Variants in PDCD11 observed in about 807,000 individuals in gnomAD.
PDCD11 encodes protein RRP5 homolog.
Under a neutral mutation model 198.9 loss-of-function variants are expected in PDCD11, and 97 were observed. That is an observed-to-expected ratio of 0.49 (90% CI 0.41 to 0.58). PDCD11 has a LOEUF of 0.58. Ranked by LOEUF, PDCD11 falls within the 20% of genes least tolerant of loss-of-function variation. The probability of loss-of-function intolerance (pLI) is 0.00; values close to 1 mark genes in which losing one functional copy is unlikely to be tolerated. For missense variants in PDCD11, 2,102 were observed against 2,312.7 expected, an observed-to-expected ratio of 0.91 and a Z score of 1.87; for synonymous variants, 893 against 918.0, an observed-to-expected ratio of 0.97 and a Z score of 0.49.
At chr10:103,435,297 T>G (rs190135504) in intron 25 of PDCD11, among the ~76,000 whole-genome samples, 1 of 152,348 alleles carries the variant, frequency 6.6e-6, no homozygotes, top group African/African-American at 2.4e-5. Flanking sequence ...TTTGTCCTTT[T>G]ACCTTATTTT....
chr10:103,443,239 T>C lies in PDCD11; in HGVS notation c.5030T>C (p.Leu1677Pro), dbSNP rs1395197226. The C allele has an allele frequency of 6.2e-7, 1 of 1,612,760 alleles. No individual in the cohort carries two copies. The highest frequency in any genetic ancestry group is 8.5e-7 in the Non-Finnish European group (1 of 1,178,976). The change falls in exon 33 of 36, where the codon CTG (leucine) becomes CCG (proline). Residue 1677 changes from leucine to proline, a missense_variant. By Grantham distance (98) the Leu-to-Pro change is moderately conservative. Coordinates refer to ENST00000369797, the MANE Select transcript of PDCD11 (RefSeq NM_014976.2). ...AACATGTACGGCTCTCAGGAGTCCCTGACCAAGGTCTTTGAGCGAGCCGTG... is the reference window on the plus strand; with the variant it reads ...AACATGTACGGCTCTCAGGAGTCCCCGACCAAGGTCTTTGAGCGAGCCGTG... ...LENMYGSQES[L>P]TKVFERAVQY...
At chr10:103,413,065 G>A in intron 8 of PDCD11, 51 bp from the exon 9 acceptor site, 1 of 1,430,580 alleles carries the variant, frequency 7.0e-7, no homozygotes, top group Non-Finnish European at 9.9e-7. Context: ...GTCTGCTCTA[G>A]GGTGCTCCTG....
In PDCD11 at chr10:103,398,784, C is replaced by T. The variant is rs575930196; in HGVS notation, c.102+256C>T. Reference sequence around the variant, plus strand: ...CTGTAATCCCAGCAGTTTGGGAAGCCGAGGCAGGCGGATCACTTGAGGCTA... The same window carrying T: ...CTGTAATCCCAGCAGTTTGGGAAGCTGAGGCAGGCGGATCACTTGAGGCTA... On this transcript the variant is annotated intron_variant, in intron 2 of 35. Coordinates refer to ENST00000369797, the MANE Select transcript of PDCD11 (RefSeq NM_014976.2). 2.6e-5 allele frequency among the ~76,000 whole-genome samples: 4 copies of T among 152,202 alleles called. No homozygotes were observed. In the East Asian group the frequency reaches 5.8e-4, roughly 22 times the overall value.
rs1462869269 is a variant in PDCD11 at position 103,432,135 on chromosome 10, G to A, written c.3375G>A (p.Leu1125=). ...ATTTCCTTTCTGCAAACAGTGAGCT[G>A]GAGGATGGCCACACTGCTCTTAACA... ...IPELSVRPSE[L]EDGHTALNTH... Residue 1125 remains leucine, a synonymous_variant, in exon 22 of 36, where the codon CTG becomes CTA. Transcript: ENST00000369797. 3 of 1,611,966 alleles carry A rather than the reference G, an allele frequency of 1.9e-6. No individual in the cohort carries two copies. The highest frequency in any genetic ancestry group is 2.5e-6 in the Non-Finnish European group (3 of 1,178,044).
At chr10:103,430,669 C>T (rs1254822508) in intron 21 of PDCD11, among the ~76,000 whole-genome samples, 3 of 150,716 alleles carry the variant, frequency 2.0e-5, no homozygotes, top group African/African-American at 4.9e-5. Context: ...GCCATCCTGC[C>T]GGGGTAAGGT....
At position 103,442,882 on chromosome 10, in the gene PDCD11, C is replaced by T. The variant is rs990080042; in HGVS notation, c.4956-283C>T. Among the ~76,000 whole-genome samples the T allele has an allele frequency of 4.6e-5, 7 of 152,304 alleles. No individual in the cohort carries two copies. In the South Asian group the frequency reaches 1.0e-3, roughly 23 times the overall value. On this transcript the variant is annotated intron_variant, in intron 32 of 35. Coordinates refer to ENST00000369797, the MANE Select transcript of PDCD11 (RefSeq NM_014976.2). ...AGAGAGAATCAGACCCAGGACTCTG[C>T]GTCCAGCCCAAACCTCAGGCCCGTT...
intron 2 of PDCD11, among the ~76,000 whole-genome samples, 170 bp from the exon 3 acceptor site, chr10:103,400,226 CT>C (rs113535367): frequency 0.18 from 23,767 of 135,252 alleles, 2,121 homozygotes; most frequent in Middle Eastern, 0.24. Flanking sequence ...GGCCCCCCCC[CT>C]TTTTTTTTTT....
chr10:103,418,480 T>C lies in PDCD11; in HGVS notation c.1952T>C (p.Leu651Pro), dbSNP rs1316058566. 1 of 1,614,174 alleles carries C rather than the reference T, an allele frequency of 6.2e-7. No individual in the cohort carries two copies. Among genetic ancestry groups the C allele is most frequent in the Admixed American group, 1.7e-5 (1 of 60,028 alleles). ...VKVLEKTKDG[L>P]EVAVLPHNIR... ...GTTTTAGAGAAGACCAAAGATGGGCTGGAGGTGGCTGTCCTGCCCCACAAC... is the reference window on the plus strand; with the variant it reads ...GTTTTAGAGAAGACCAAAGATGGGCCGGAGGTGGCTGTCCTGCCCCACAAC... Residue 651 changes from leucine (L) to proline (P), a missense_variant, in exon 15 of 36, where the codon CTG becomes CCG. Transcript: ENST00000369797.
In PDCD11 at chr10:103,415,033, G is replaced by A; in HGVS notation, c.1400G>A (p.Gly467Glu). 7 of 1,614,146 alleles carry A rather than the reference G, an allele frequency of 4.3e-6. No individual in the cohort carries two copies. The highest frequency in any genetic ancestry group is 5.1e-6 in the Non-Finnish European group (6 of 1,180,026). Residue 467 changes from glycine to glutamate, a missense_variant, in exon 12 of 36, where the codon GGG (glycine) becomes GAG (glutamate). Coordinates refer to ENST00000369797, the MANE Select transcript of PDCD11 (RefSeq NM_014976.2). ...KGTVLTIKSY[G>E]MLVKVGEQMR... ...ACAGTGCTAACCATAAAGTCATATG[G>A]GATGCTGGTGAAGGTGGGCGAGCAG...
At position 103,425,034 on chromosome 10, in the gene PDCD11, C is replaced by T. The variant is rs775519395; in HGVS notation, c.2814C>T (p.Ser938=). ...CGATTGTGCAGCACTTGGAGAAGTC[C>T]TTTGCCATTGCCTCCTTGGTAGAGA... The part of the protein sequence containing the change: ...HQAIVQHLEK[S]FAIASLVETG... The change falls in exon 20 of 36, where the codon TCC becomes TCT. Residue 938 remains serine, a synonymous_variant. Transcript: ENST00000369797. The T allele has an allele frequency of 6.2e-7, 1 of 1,614,112 alleles. No homozygotes were observed. Among genetic ancestry groups the T allele is most frequent in the African/African-American group, 1.3e-5 (1 of 74,930 alleles).
At chr10:103,429,569 TC>T (rs1417725463) in intron 21 of PDCD11, among the ~76,000 whole-genome samples, 1 of 152,084 alleles carries the variant, frequency 6.6e-6, no homozygotes, top group East Asian at 1.9e-4. Context: ...CACATGGTCT[TC>T]CTTTTATGTG....
chr10:103,439,001 G>C (rs889773720), intron 27 of PDCD11, among the ~76,000 whole-genome samples, 193 bp downstream of exon 27: 1 of 152,182 alleles, frequency 6.6e-6, no homozygotes, highest in Non-Finnish European at 1.5e-5. Flanking sequence ...TTAGTTATTT[G>C]GTGTTTTGGA....
chr10:103,397,548 G>A (rs988759434), intron 1 of PDCD11, among the ~76,000 whole-genome samples: 5 of 152,186 alleles, frequency 3.3e-5, no homozygotes, highest in African/African-American at 1.2e-4. Flanking sequence ...CAATTCTCAC[G>A]CTTCAGCCTG....
chr10:103,409,177 A>T (rs1052883303), intron 7 of PDCD11, among the ~76,000 whole-genome samples: 3 of 152,186 alleles, frequency 2.0e-5, no homozygotes, highest in African/African-American at 7.2e-5. Context: ...GGAAGGTAAG[A>T]GAGAGGTCTT....
At chr10:103,420,815 T>TACTTGACTGGGTGCCC (rs2031377797) in intron 16 of PDCD11, among the ~76,000 whole-genome samples, 1 of 152,054 alleles carries the variant, frequency 6.6e-6, no homozygotes, top group Non-Finnish European at 1.5e-5. Context: ...TGAATGTGCC[T>TACTTGACTGGGTGCCC]TCTTGACTGG....
chr10:103,422,620 T>G (rs2031503527), intron 17 of PDCD11, among the ~76,000 whole-genome samples: 1 of 151,926 alleles, frequency 6.6e-6, no homozygotes. Flanking sequence ...TTGTGAGGGG[T>G]TATTATTCTG....
chr10:103,409,642 C>T (rs2030673550), intron 7 of PDCD11, 57 bp from the exon 8 acceptor site: 3 of 1,196,344 alleles, frequency 2.5e-6, no homozygotes, highest in Non-Finnish European at 3.7e-6. Flanking sequence ...AGCAATGTCT[C>T]ACATTCCTGG....
At chr10:103,439,599 C>T (rs1007308896) in intron 27 of PDCD11, 147 bp from the exon 28 acceptor site, 3 of 831,900 alleles carry the variant, frequency 3.6e-6, no homozygotes, top group African/African-American at 3.4e-5. Context: ...TTTACAAAGC[C>T]CACTTCATCC....
chr10:103,427,478 A>G (rs1044232176), intron 21 of PDCD11, 87 bp downstream of exon 21: 1 of 1,125,720 alleles, frequency 8.9e-7, no homozygotes, highest in Admixed American at 2.1e-5. Context: ...TGATTTTACC[A>G]GTGTTAGGAT....
Sources: gnomAD v4.1 joint callset for allele counts (sites outside exome capture counted in the v4.1 genomes callset) on GRCh38, gnomAD v4.1.1 for gene constraint, MANE v1.5 for transcripts, NCBI Gene and HGNC (gene_info 2026-07-23, HGNC 2026-07-21) for gene names.